The following PRKCH variants were observed in gnomAD, a reference collection of about 807,000 sequenced individuals.
PRKCH encodes the protein protein kinase C eta type.
A neutral mutation model predicts 82.5 loss-of-function variants in PRKCH; 28 were observed. That is an observed-to-expected ratio of 0.34 (90% CI 0.25 to 0.47). The LOEUF (loss-of-function observed/expected upper bound fraction) is 0.47. Ranked by LOEUF, PRKCH falls within the 20% of genes least tolerant of loss-of-function variation. PRKCH has a pLI of 1.00. For missense variants in PRKCH, 705 were observed against 881.8 expected, an observed-to-expected ratio of 0.80 and a Z score of 2.54; for synonymous variants, 322 against 327.4, an observed-to-expected ratio of 0.98 and a Z score of 0.18.
intron 2 of PRKCH, among the ~76,000 whole-genome samples, chr14:61,438,020 G>A (rs577189550): frequency 2.6e-5 from 4 of 152,162 alleles, no homozygotes; most frequent in South Asian, 2.1e-4. Flanking sequence ...ACTACCTGTC[G>A]GGTACTTCTC....
chr14:61,243,981 T>C (rs2044861038), intron 1 of PRKCH, among the ~76,000 whole-genome samples: 1 of 151,856 alleles, frequency 6.6e-6, no homozygotes, highest in Non-Finnish European at 1.5e-5. Flanking sequence ...ACACTTTAGC[T>C]TTCTCTATAC....
chr14:61,490,875 A>C (rs1280070755), intron 10 of PRKCH, among the ~76,000 whole-genome samples: 1 of 152,006 alleles, frequency 6.6e-6, no homozygotes, highest in African/African-American at 2.4e-5. Flanking sequence ...CCAAAATTGC[A>C]CCACTGTACT....
chr14:61,330,640 G>T (rs1017993772), intron 1 of PRKCH, among the ~76,000 whole-genome samples: 1 of 152,118 alleles, frequency 6.6e-6, no homozygotes, highest in Non-Finnish European at 1.5e-5. Context: ...CTATTCATTT[G>T]GCACAGATGT....
intron 1 of PRKCH, among the ~76,000 whole-genome samples, chr14:61,386,934 AC>A (rs2046596529): frequency 6.6e-6 from 1 of 152,352 alleles, no homozygotes; most frequent in South Asian, 2.1e-4. Context: ...GGCTCAAATA[AC>A]AAAAAAAAAT....
intron 1 of PRKCH, among the ~76,000 whole-genome samples, chr14:61,202,832 T>C (rs2044492890): frequency 6.6e-6 from 1 of 152,148 alleles, no homozygotes; most frequent in African/African-American, 2.4e-5. Context: ...CTTGCATTAG[T>C]GTCATACATT....
At chr14:61,539,339 A>G (rs2043152280) in intron 12 of PRKCH, among the ~76,000 whole-genome samples, 1 of 152,212 alleles carries the variant, frequency 6.6e-6, no homozygotes, top group Non-Finnish European at 1.5e-5. Flanking sequence ...CACAGACAGC[A>G]TGGAAAACAC....
chr14:61,412,044 C>G (rs1882294890), intron 2 of PRKCH, among the ~76,000 whole-genome samples: 1 of 152,070 alleles, frequency 6.6e-6, no homozygotes, highest in African/African-American at 2.4e-5. Flanking sequence ...TCTGATAGGG[C>G]CGAACTATTT....
intron 10 of PRKCH, chr14:61,525,516 A>C (rs981654296): frequency 1.3e-5 from 2 of 152,182 alleles, no homozygotes; most frequent in African/African-American, 4.8e-5. Flanking sequence ...CTGCGTCCCA[A>C]GACTTCCCCA....
rs557659247 is a variant in PRKCH, at chr14:61,528,874, G to A, written c.1434-201G>A. 8 of 434,848 alleles carry A rather than the reference G, an allele frequency of 1.8e-5. No homozygotes were observed. In the South Asian group the frequency reaches 3.3e-4, roughly 18 times the overall value. 26.9% of individuals were successfully genotyped at this position (434,848 alleles called of 1,614,324 possible). The stretch of plus-strand genomic sequence containing the variant: ...GCATCATCTTGGAGCCATGAGGCAA[G>A]TTCTGAGACTTGATCTAAATGTGTC... On this transcript the variant is annotated intron_variant, in intron 10 of 13. Transcript: ENST00000332981.
chr14:61,548,271 C>T (rs1291666815), intron 13 of PRKCH, among the ~76,000 whole-genome samples: 1 of 152,232 alleles, frequency 6.6e-6, no homozygotes, highest in Non-Finnish European at 1.5e-5. Context: ...CTTTTCTAAG[C>T]CCCTGAGAAA....
At chr14:61,266,246 C>T (rs1414699242) in intron 1 of PRKCH, among the ~76,000 whole-genome samples, 1 of 151,208 alleles carries the variant, frequency 6.6e-6, no homozygotes, top group African/African-American at 2.4e-5. Context: ...GGTGAAACCC[C>T]GACTCTACTA....
At chr14:61,214,646 A>G (rs1472216137) in intron 1 of PRKCH, among the ~76,000 whole-genome samples, 3 of 152,090 alleles carry the variant, frequency 2.0e-5, no homozygotes, top group Admixed American at 1.3e-4. Flanking sequence ...AGTTTTCTCC[A>G]GCCTCCTCCC....
chr14:61,372,036 G>C (rs1022736038), intron 1 of PRKCH, among the ~76,000 whole-genome samples: 13 of 152,054 alleles, frequency 8.5e-5, no homozygotes, highest in African/African-American at 3.1e-4. Context: ...ATAGGCTCCT[G>C]TGTCCCTTTG....
intron 7 of PRKCH, among the ~76,000 whole-genome samples, chr14:61,456,584 C>T (rs936114187): frequency 3.3e-5 from 5 of 152,014 alleles, no homozygotes; most frequent in South Asian, 2.1e-4. Context: ...AAAACGTGTG[C>T]GTGTGTGTTA....
intron 10 of PRKCH, chr14:61,527,846 C>G (rs10133713): frequency 6.7e-6 from 1 of 149,616 alleles, no homozygotes; most frequent in Admixed American, 6.8e-5. Flanking sequence ...GGCTTGCTGC[C>G]GTGTCCCTGC....
chr14:61,507,469 G>A (rs1398918652), intron 10 of PRKCH, among the ~76,000 whole-genome samples: 1 of 152,150 alleles, frequency 6.6e-6, no homozygotes, highest in Non-Finnish European at 1.5e-5. Context: ...GGATCTCAGA[G>A]ATGTCTGCAC....
At chr14:61,362,691 T>C (rs911929372) in intron 1 of PRKCH, among the ~76,000 whole-genome samples, 1 of 152,242 alleles carries the variant, frequency 6.6e-6, no homozygotes, top group Non-Finnish European at 1.5e-5. Flanking sequence ...TTTTCCCTAA[T>C]GCCTATATTG....
chr14:61,197,944 A>G (rs780897200), intron 1 of PRKCH, among the ~76,000 whole-genome samples: 23 of 152,338 alleles, frequency 1.5e-4, no homozygotes, highest in Middle Eastern at 3.4e-3. Flanking sequence ...AGAATTGCCA[A>G]TCAAATCCTT....
At chr14:61,426,215 A>G (rs1883099729) in intron 2 of PRKCH, among the ~76,000 whole-genome samples, 1 of 152,174 alleles carries the variant, frequency 6.6e-6, no homozygotes, top group Non-Finnish European at 1.5e-5. Flanking sequence ...GAACACTTTC[A>G]TTTGGCTTCT....
Sources: gnomAD v4.1 joint callset for allele counts (sites outside exome capture counted in the v4.1 genomes callset) on GRCh38, gnomAD v4.1.1 for gene constraint, MANE v1.5 for transcripts, NCBI Gene and HGNC (gene_info 2026-07-23, HGNC 2026-07-21) for gene names.